Variants in INO80D observed in about 807,000 individuals in gnomAD.
INO80D encodes the protein INO80 complex subunit D.
Under a neutral mutation model 87.6 loss-of-function variants are expected in INO80D, and 21 were observed. The observed-to-expected ratio is 0.24, with a 90% CI of 0.17 to 0.35. The LOEUF (loss-of-function observed/expected upper bound fraction) is 0.35, where lower values mean the gene tolerates loss of function less well. Ranked by LOEUF, INO80D falls within the 10% of genes least tolerant of loss-of-function variation. INO80D has a pLI of 1.00. For synonymous variants in INO80D, 440 were observed against 491.0 expected, an observed-to-expected ratio of 0.90 and a Z score of 1.37; for missense variants, 982 against 1,280.7, an observed-to-expected ratio of 0.77 and a Z score of 3.56.
intron 5 of INO80D, among the ~76,000 whole-genome samples, chr2:206,032,145 C>T (rs796755277): frequency 1.9e-4 from 29 of 152,300 alleles, no homozygotes; most frequent in African/African-American, 6.7e-4. Context: ...AAATCTCCAG[C>T]TGAACTTTGT....
At chr2:206,053,135 T>C (rs1395880798) in intron 4 of INO80D, among the ~76,000 whole-genome samples, 1 of 152,108 alleles carries the variant, frequency 6.6e-6, no homozygotes, top group African/African-American at 2.4e-5. Flanking sequence ...TTTTAAAAGC[T>C]AAAGCTTGGA....
rs761630303 is a variant in INO80D at position 206,046,506 on chromosome 2, A to G, written c.1071T>C (p.His357=). 1.8e-5 allele frequency: 29 copies of G among 1,589,920 alleles called. No individual in the cohort carries two copies. The South Asian group carries it at 2.9e-4, about 16-fold the overall frequency. Reference sequence around the variant, plus strand: ...TAAAAACAGAACAGAAGACTTACGCATGTCTTTGATATCTGAGGGTTTCCC... The same window carrying G: ...TAAAAACAGAACAGAAGACTTACGCGTGTCTTTGATATCTGAGGGTTTCCC... ...SIRETLRYQR[H]ASDDDDAESR... is the part of the protein sequence containing the mutation. The change falls in exon 5 of 11, where the codon CAT becomes CAC. Residue 357 remains histidine (H), a splice_region_variant and synonymous_variant. Transcript: ENST00000403263.
chr2:206,070,055 C>T (rs1689920608), intron 1 of INO80D, among the ~76,000 whole-genome samples: 1 of 151,412 alleles, frequency 6.6e-6, no homozygotes, highest in African/African-American at 2.4e-5. Flanking sequence ...GTGTAGGCTG[C>T]TTTGAGCTCA....
intron 1 of INO80D, among the ~76,000 whole-genome samples, chr2:206,069,958 T>C (rs780421712): frequency 3.3e-5 from 5 of 152,204 alleles, no homozygotes; most frequent in African/African-American, 1.2e-4. Context: ...GTGGAAACTA[T>C]AAGCCACGAT....
At position 206,004,627 on chromosome 2, in the gene INO80D, G is replaced by T. The variant is rs1449277820; in HGVS notation, c.2825C>A (p.Ser942Tyr). The change falls in exon 11 of 11, where the codon TCC becomes TAC. Residue 942 changes from serine (S) to tyrosine (Y), a missense_variant. Transcript: ENST00000403263. The surrounding 1 kb of genome is among the most constrained non-coding windows in gnomAD (Gnocchi z 4.9). ...CTGTGGTAACCCCGGAAGCACACTG[G>T]AGCTGCTGGGGGTCACGGTGGCGAA... ...PAFATVTPSS[S>Y]SVLPGLPQTS... 1 of 1,613,418 alleles carries T rather than the reference G, an allele frequency of 6.2e-7. No homozygotes were observed. Among genetic ancestry groups the T allele is most frequent in the Admixed American group, 1.7e-5 (1 of 59,896 alleles).
At chr2:206,036,932 A>G (rs545018809) in intron 5 of INO80D, among the ~76,000 whole-genome samples, 1 of 152,312 alleles carries the variant, frequency 6.6e-6, no homozygotes, top group African/African-American at 2.4e-5. Context: ...GCAAGGACAT[A>G]ATTTAGAACA....
chr2:206,066,545 C>T (rs529152028), intron 1 of INO80D, among the ~76,000 whole-genome samples: 2 of 152,250 alleles, frequency 1.3e-5, no homozygotes, highest in Admixed American at 6.5e-5. Flanking sequence ...GTGGCTCACA[C>T]CTGTAATCCT....
chr2:206,065,995 C>G (rs1689806067), intron 1 of INO80D, among the ~76,000 whole-genome samples: 1 of 152,168 alleles, frequency 6.6e-6, no homozygotes, highest in African/African-American at 2.4e-5. Flanking sequence ...CGCAGTGGCT[C>G]ACGCCTGTAA....
intron 9 of INO80D, 38 bp from the exon 10 acceptor site, chr2:206,007,479 A>AT: frequency 6.4e-7 from 1 of 1,571,910 alleles, no homozygotes; most frequent in South Asian, 1.2e-5. Flanking sequence ...TAACTCCCCC[A>AT]TTATCTTCAC....
chr2:206,075,716 G>A (rs1575890765), intron 1 of INO80D, among the ~76,000 whole-genome samples: 1 of 151,556 alleles, frequency 6.6e-6, no homozygotes, highest in African/African-American at 2.4e-5. Flanking sequence ...GGGATTACAG[G>A]AATGAGCCAC....
Position 206,004,354 on chromosome 2 carries a change from A to G in INO80D, c.*14T>C, listed in dbSNP as rs1687964431. On this transcript the variant is annotated 3_prime_UTR_variant, in exon 11 of 11. Coordinates refer to ENST00000403263, the MANE Select transcript of INO80D (RefSeq NM_017759.5). This position sits in a 1 kb window ranked among gnomAD's most constrained non-coding sequence, Gnocchi z 4.9. ...CACTGGGTTCCCCACCTGCCTGCAA[A>G]CACACAGACACCCTCAGTTAGGGGA... 1 of 1,574,940 alleles carries G rather than the reference A, an allele frequency of 6.3e-7. No homozygotes were observed. Among genetic ancestry groups the G allele is most frequent in the African/African-American group, 1.3e-5 (1 of 74,094 alleles).
At chr2:206,046,090 A>G (rs1689186212) in intron 5 of INO80D, among the ~76,000 whole-genome samples, 1 of 152,236 alleles carries the variant, frequency 6.6e-6, no homozygotes, top group African/African-American at 2.4e-5. Context: ...CAAACAATAT[A>G]GTACATTTAC....
intron 5 of INO80D, among the ~76,000 whole-genome samples, chr2:206,030,655 GGAATAAT>G (rs1688738587): frequency 6.6e-6 from 1 of 152,098 alleles, no homozygotes; most frequent in Non-Finnish European, 1.5e-5. Context: ...GGTCTGTAAG[GGAATAAT>G]GATAGGTAAG....
At chr2:206,047,773 T>C in intron 4 of INO80D, among the ~76,000 whole-genome samples, 1 of 151,926 alleles carries the variant, frequency 6.6e-6, no homozygotes, top group East Asian at 1.9e-4. Flanking sequence ...TCCCAAACCA[T>C]TCCCTGGCTC....
rs763201848 is a variant in INO80D at position 206,001,117 on chromosome 2, C to A, written c.*3251G>T. 9.2e-5 allele frequency: 14 copies of A among 152,092 alleles called. No individual in the cohort carries two copies. The highest frequency in any genetic ancestry group is 1.8e-4 in the Non-Finnish European group (12 of 68,014). The allele number at this position is 152,092 out of a possible 1,614,324, so 9.4% of individuals were successfully genotyped here. On this transcript the variant is annotated 3_prime_UTR_variant, in exon 11 of 11. Transcript: ENST00000403263. ...AGTTGTTTACTAGCTACATAACCTA[C>A]CCAGATGTGCAAATTGCTAAGCCAT...
intron 4 of INO80D, among the ~76,000 whole-genome samples, chr2:206,054,349 A>G (rs1689459056): frequency 6.6e-6 from 1 of 151,948 alleles, no homozygotes; most frequent in Non-Finnish European, 1.5e-5. Flanking sequence ...TAAAACTTAT[A>G]TGAACAATAA....
intron 5 of INO80D, among the ~76,000 whole-genome samples, 191 bp downstream of exon 5, chr2:206,046,313 G>A (rs1689191095): frequency 1.3e-5 from 2 of 152,110 alleles, no homozygotes; most frequent in Admixed American, 1.3e-4. Flanking sequence ...TAGGCGGAGA[G>A]ATCACTTGAG....
At chr2:206,048,654 G>A (rs1689263201) in intron 4 of INO80D, among the ~76,000 whole-genome samples, 1 of 152,140 alleles carries the variant, frequency 6.6e-6, no homozygotes, top group South Asian at 2.1e-4. Context: ...AGCAGTTTGG[G>A]ACACTGAGCC....
rs3079265 is a variant in INO80D at position 206,050,496 on chromosome 2, GAAAAAAAAAAA to G, written c.965-3895_965-3885del. Among the ~76,000 whole-genome samples, 631 of 99,590 alleles carry G rather than the reference GAAAAAAAAAAA, an allele frequency of 6.3e-3. 1 individual carries two copies. Among genetic ancestry groups the G allele is most frequent in the African/African-American group, 0.024 (511 of 20,868 alleles). The allele number at this position is 99,590 out of a possible 152,430, so 65.3% of individuals were successfully genotyped here. Reference sequence around the variant, plus strand: ...GACAGAGCAGGACTCCGTCTCAAAAGAAAAAAAAAAAAAAAAAAAAAAAAAAAAGATTAAAA... The same window carrying G: ...GACAGAGCAGGACTCCGTCTCAAAAGAAAAAAAAAAAAAAAAAGATTAAAA... On this transcript the variant is annotated intron_variant, in intron 4 of 10. Coordinates refer to ENST00000403263, the MANE Select transcript of INO80D (RefSeq NM_017759.5).
Sources: gnomAD v4.1 joint callset for allele counts (sites outside exome capture counted in the v4.1 genomes callset) on GRCh38, gnomAD v4.1.1 for gene constraint, Gnocchi (gnomAD v3.1) non-coding constraint, MANE v1.5 for transcripts, NCBI Gene and HGNC (gene_info 2026-07-23, HGNC 2026-07-21) for gene names.